Variants in TSC22D1 observed in about 807,000 individuals in gnomAD.
TSC22D1 encodes TSC22 domain family protein 1.
A neutral mutation model predicts 74.2 loss-of-function variants in TSC22D1; 9 were observed. That is an observed-to-expected ratio of 0.12 (90% CI 0.07 to 0.21). The LOEUF (loss-of-function observed/expected upper bound fraction) is 0.21, where lower values mean the gene tolerates loss of function less well. Among genes scored for constraint, TSC22D1 ranks in the 10% least tolerant of loss-of-function variants. The pLI is 1.00. For missense variants in TSC22D1, 1,427 were observed against 1,304.7 expected (o/e 1.09, Z -1.44); for synonymous variants, 586 against 492.5 (o/e 1.19, Z -2.51).
At chr13:44,435,422 G>A (rs1874494160) in intron 2 of TSC22D1, 1 of 156,660 alleles carries the variant, frequency 6.4e-6, no homozygotes, top group Admixed American at 6.3e-5. Context: ...CCGAATTAAA[G>A]GTTCAGAGTT....
intron 1 of TSC22D1, among the ~76,000 whole-genome samples, chr13:44,553,072 G>A (rs1882395744): frequency 6.6e-6 from 1 of 152,148 alleles, no homozygotes; most frequent in Admixed American, 6.5e-5. Context: ...ATGTAGAGAT[G>A]GGCTGCAGTT....
chr13:44,576,997 GCTAGGGCGGAGGGTGCGACCCTCT>G (rs1884294654), upstream of TSC22D1: 1 of 152,620 alleles, frequency 6.6e-6, no homozygotes, highest in South Asian at 2.1e-4. Flanking sequence ...CGGGACGTGC[GCTAGGGCGGAGGGTGCGACCCTCT>G]CTTATCCTCT....
chr13:44,519,686 A>C (rs1214240296), intron 1 of TSC22D1, among the ~76,000 whole-genome samples: 11 of 152,176 alleles, frequency 7.2e-5, no homozygotes, highest in Admixed American at 7.2e-4. Context: ...TGTTTTAATT[A>C]AAGGAATAAC....
Position 44,573,764 on chromosome 13 carries a change from C to T in TSC22D1, c.2311G>A (p.Gly771Arg). ...GTTTGAACTCCCTGATGAATAATCCCAGTTTGAGCAGGTGGAACCACTTGC... is the reference window on the plus strand; with the variant it reads ...GTTTGAACTCCCTGATGAATAATCCTAGTTTGAGCAGGTGGAACCACTTGC... ...SSQVVPPAQTGIIHQGVQTSA... is the reference protein window; with the variant it reads ...SSQVVPPAQTRIIHQGVQTSA... Residue 771 changes from glycine (G) to arginine (R), a missense_variant, in exon 1 of 3, where the codon GGG (glycine) becomes AGG (arginine). Coordinates refer to ENST00000458659, the MANE Select transcript of TSC22D1 (RefSeq NM_183422.4). The T allele has an allele frequency of 6.2e-7, 1 of 1,614,246 alleles. No homozygotes were observed. The highest frequency in any genetic ancestry group is 1.1e-5 in the South Asian group (1 of 91,086).
Position 44,574,322 on chromosome 13 carries a change from C to A in TSC22D1, c.1753G>T (p.Val585Phe). 6.2e-7 allele frequency: 1 copy of A among 1,614,248 alleles called. No individual in the cohort carries two copies. The highest frequency in any genetic ancestry group is 8.5e-7 in the Non-Finnish European group (1 of 1,180,054). ...TGACCTAAAGCTGAAGTTACACCAACCACATTTACAGGCGATGGCTGGATA... is the reference window on the plus strand; with the variant it reads ...TGACCTAAAGCTGAAGTTACACCAAACACATTTACAGGCGATGGCTGGATA... ...TGIQPSPVNV[V>F]GVTSALGQQP... The change falls in exon 1 of 3, where the codon GTT (valine) becomes TTT (phenylalanine). Residue 585 changes from valine (V) to phenylalanine (F), a missense_variant. Coordinates refer to ENST00000458659, the MANE Select transcript of TSC22D1 (RefSeq NM_183422.4).
rs551319452 is a variant in TSC22D1, at chr13:44,455,256, TG to T, written c.2913-19162del. Among the ~76,000 whole-genome samples, 148 of 152,300 alleles carry T rather than the reference TG, an allele frequency of 9.7e-4. 1 individual carries two copies. The highest frequency in any genetic ancestry group is 1.8e-3 in the Non-Finnish European group (120 of 68,030). Reference sequence around the variant, plus strand: ...CTAAGAGAGATGATGGGATTAGTCATGGAAGAACTCTTCCAGCAGGGAGAAC... The same window carrying T: ...CTAAGAGAGATGATGGGATTAGTCATGAAGAACTCTTCCAGCAGGGAGAAC... On this transcript the variant is annotated intron_variant, in intron 1 of 2. Coordinates refer to ENST00000458659, the MANE Select transcript of TSC22D1 (RefSeq NM_183422.4).
At chr13:44,470,870 T>A (rs555646997) in intron 1 of TSC22D1, among the ~76,000 whole-genome samples, 97 of 152,336 alleles carry the variant, frequency 6.4e-4, no homozygotes, top group Middle Eastern at 6.8e-3. Flanking sequence ...GAGTCTCTGC[T>A]GGGACCAGTC....
At chr13:44,514,796 G>A (rs979977559) in intron 1 of TSC22D1, among the ~76,000 whole-genome samples, 1 of 152,142 alleles carries the variant, frequency 6.6e-6, no homozygotes, top group Non-Finnish European at 1.5e-5. Context: ...GGAGACGGAG[G>A]TTGCAGTGAG....
intron 1 of TSC22D1, among the ~76,000 whole-genome samples, chr13:44,566,208 T>G (rs151306443): frequency 6.6e-6 from 1 of 152,298 alleles, no homozygotes; most frequent in African/African-American, 2.4e-5. Flanking sequence ...GCCTTACCTC[T>G]TATTAGCTTT....
chr13:44,508,797 G>T (rs1017406286), intron 1 of TSC22D1, among the ~76,000 whole-genome samples: 1 of 151,998 alleles, frequency 6.6e-6, no homozygotes, highest in Non-Finnish European at 1.5e-5. Context: ...GCTGTTCCTC[G>T]AGCAAATCAA....
chr13:44,542,919 T>C (rs1323668552), intron 1 of TSC22D1, among the ~76,000 whole-genome samples: 1 of 152,112 alleles, frequency 6.6e-6, no homozygotes, highest in Non-Finnish European at 1.5e-5. Context: ...TTCTTCTATG[T>C]GATATTTTAA....
In TSC22D1 at chr13:44,500,692, G is replaced by A. The variant is rs576123590; in HGVS notation, c.2913-64597C>T. Among the ~76,000 whole-genome samples the A allele has an allele frequency of 1.1e-4, 16 of 152,014 alleles. No individual in the cohort carries two copies. In the East Asian group the frequency reaches 3.1e-3, roughly 29 times the overall value. ...CAGTTTCTTTCTATGGACATGCTTC[G>A]TTTTTGTTTAGAGACAGGGTCTCAC... On this transcript the variant is annotated intron_variant, in intron 1 of 2. Coordinates refer to ENST00000458659, the MANE Select transcript of TSC22D1 (RefSeq NM_183422.4).
At chr13:44,555,049 T>C (rs1451396125) in intron 1 of TSC22D1, among the ~76,000 whole-genome samples, 1 of 150,946 alleles carries the variant, frequency 6.6e-6, no homozygotes, top group East Asian at 2.0e-4. Context: ...AATTTCCTAA[T>C]AAGCCACTTG....
At chr13:44,555,761 A>G (rs927312513) in intron 1 of TSC22D1, among the ~76,000 whole-genome samples, 2 of 152,052 alleles carry the variant, frequency 1.3e-5, no homozygotes, top group African/African-American at 4.8e-5. Context: ...AAAAAAAAAA[A>G]GTATGAAATG....
chr13:44,477,326 T>G (rs1201347012), intron 1 of TSC22D1, among the ~76,000 whole-genome samples: 5 of 152,224 alleles, frequency 3.3e-5, no homozygotes, highest in African/African-American at 1.2e-4. Context: ...ACTGATTGAT[T>G]TTAAAAATTT....
chr13:44,454,242 G>A (rs1439038995), intron 1 of TSC22D1, among the ~76,000 whole-genome samples: 2 of 152,122 alleles, frequency 1.3e-5, no homozygotes, highest in African/African-American at 2.4e-5. Flanking sequence ...GTTATATGAA[G>A]AGATTTTCTT....
At position 44,434,376 on chromosome 13, in the gene TSC22D1, G is replaced by A; in HGVS notation, c.*250C>T. Reference sequence around the variant, plus strand: ...AAACCATTTCTCAGATATCTGCCAAGCTGCATGAGGTCCCGGTATATCCAT... The same window carrying A: ...AAACCATTTCTCAGATATCTGCCAAACTGCATGAGGTCCCGGTATATCCAT... On this transcript the variant is annotated 3_prime_UTR_variant, in exon 3 of 3. Transcript: ENST00000458659. 4.4e-6 allele frequency: 6 copies of A among 1,373,788 alleles called. No individual in the cohort carries two copies. Among genetic ancestry groups the A allele is most frequent in the Non-Finnish European group, 5.6e-6 (6 of 1,072,878 alleles). 85.1% of individuals were successfully genotyped at this position (1,373,788 alleles called of 1,614,324 possible).
chr13:44,436,393 C>G, intron 1 of TSC22D1: 2 of 1,349,874 alleles, frequency 1.5e-6, no homozygotes, highest in Non-Finnish European at 2.0e-6. Context: ...ACATCCATGT[C>G]ACCATAATCT....
rs181524462 is a variant in TSC22D1, at chr13:44,550,835, G to A, written c.2912+22328C>T. ...CACACATCTGTGGTCCCAGCTATTC[G>A]GGAGGCCAACGTGGGAGAATCACTT... On this transcript the variant is annotated intron_variant, in intron 1 of 2. Transcript: ENST00000458659. Among the ~76,000 whole-genome samples, 28 of 151,968 alleles carry A rather than the reference G, an allele frequency of 1.8e-4. No individual in the cohort carries two copies. The East Asian group carries it at 5.0e-3, about 27-fold the overall frequency.
Sources: gnomAD v4.1 joint callset for allele counts (sites outside exome capture counted in the v4.1 genomes callset) on GRCh38, gnomAD v4.1.1 for gene constraint, MANE v1.5 for transcripts, NCBI Gene and HGNC (gene_info 2026-07-23, HGNC 2026-07-21) for gene names.